Variants in RHOA observed in about 807,000 individuals in gnomAD.
RHOA encodes ras homolog family member A.
Under a neutral mutation model 17.5 loss-of-function variants are expected in RHOA, and 3 were observed. The observed-to-expected ratio is 0.17, with a 90% CI of 0.08 to 0.44. The LOEUF is 0.44. Ranked by LOEUF, RHOA falls within the 20% of genes least tolerant of loss-of-function variation. The probability of loss-of-function intolerance (pLI) is 0.99; values close to 1 mark genes in which losing one functional copy is unlikely to be tolerated. For synonymous variants in RHOA, 98 were observed against 88.4 expected, an observed-to-expected ratio of 1.11 and a Z score of -0.61; for missense variants, 56 against 242.3, an observed-to-expected ratio of 0.23 and a Z score of 5.10.
chr3:49,401,605 C>T lies in RHOA; in HGVS notation c.-3+10215G>A, dbSNP rs374502424. Among the ~76,000 whole-genome samples, 21 of 151,326 alleles carry T rather than the reference C, an allele frequency of 1.4e-4. No individual in the cohort carries two copies. In the East Asian group the frequency reaches 2.5e-3, roughly 18 times the overall value. ...GGGAAATGAAGTTGAAAACATAGAGCTGTTTATTTTGTTTACTGACTGCAT... is the reference window on the plus strand; with the variant it reads ...GGGAAATGAAGTTGAAAACATAGAGTTGTTTATTTTGTTTACTGACTGCAT... On this transcript the variant is annotated intron_variant, in intron 1 of 4. Coordinates refer to ENST00000418115, the MANE Select transcript of RHOA (RefSeq NM_001664.4).
At position 49,360,396 on chromosome 3, in the gene RHOA, A is replaced by C. The variant is rs376751436; in HGVS notation, c.409-14T>G. Reference sequence around the variant, plus strand: ...TTTCACCGGCTCCTAGCAAAGAAAAAAAAATAGTCCTTTTAGCTAATAGTG... The same window carrying C: ...TTTCACCGGCTCCTAGCAAAGAAAACAAAATAGTCCTTTTAGCTAATAGTG... On this transcript the variant is annotated splice_polypyrimidine_tract_variant and intron_variant, in intron 4 of 4. Transcript: ENST00000418115. The C allele has an allele frequency of 3.4e-5, 55 of 1,603,370 alleles. No individual in the cohort carries two copies. In the African/African-American group the frequency reaches 7.1e-4, roughly 21 times the overall value.
At chr3:49,400,623 A>C (rs1353593967) in intron 1 of RHOA, among the ~76,000 whole-genome samples, 1 of 152,014 alleles carries the variant, frequency 6.6e-6, no homozygotes, top group Non-Finnish European at 1.5e-5. Flanking sequence ...CAGGAGGCTG[A>C]GGTAGCTGGA....
At chr3:49,401,557 T>C (rs1038769653) in intron 1 of RHOA, among the ~76,000 whole-genome samples, 5 of 20,022 alleles carry the variant, frequency 2.5e-4, no homozygotes, top group African/African-American at 6.3e-4. Flanking sequence ...AAACTCTGTC[T>C]CAAAAAAAAA....
At chr3:49,368,367 G>A in intron 3 of RHOA, 61 bp downstream of exon 3, 1 of 1,581,350 alleles carries the variant, frequency 6.3e-7, no homozygotes, top group Non-Finnish European at 8.6e-7. Context: ...TTGATGCCCA[G>A]AAACCAGATG....
chr3:49,386,531 T>C (rs2048398131), intron 1 of RHOA, among the ~76,000 whole-genome samples: 2 of 152,180 alleles, frequency 1.3e-5, no homozygotes, highest in Admixed American at 6.6e-5. Flanking sequence ...AATTGGACAC[T>C]GAAGTAAATT....
intron 1 of RHOA, among the ~76,000 whole-genome samples, chr3:49,382,019 A>C (rs376218244): frequency 6.7e-6 from 1 of 150,166 alleles, no homozygotes; most frequent in East Asian, 2.0e-4. Flanking sequence ...ACCCTATCTC[A>C]TAAAAATAAA....
chr3:49,369,632 G>C (rs2048119316), intron 2 of RHOA, among the ~76,000 whole-genome samples: 2 of 152,064 alleles, frequency 1.3e-5, no homozygotes, highest in East Asian at 3.9e-4. Flanking sequence ...CTACTGGAGA[G>C]GCTAAGGCAG....
chr3:49,375,047 G>A (rs1458529797), intron 2 of RHOA, among the ~76,000 whole-genome samples: 1 of 151,898 alleles, frequency 6.6e-6, no homozygotes, highest in Non-Finnish European at 1.5e-5. Context: ...GAGGTGGGTG[G>A]ATCACCCGAG....
chr3:49,389,936 C>CAAA (rs577683876), intron 1 of RHOA, among the ~76,000 whole-genome samples: 1 of 76,542 alleles, frequency 1.3e-5, no homozygotes, highest in Non-Finnish European at 2.5e-5. Context: ...GACTCCACCT[C>CAAA]AAAAAAAAAA....
At chr3:49,397,767 G>A (rs1213620643) in intron 1 of RHOA, among the ~76,000 whole-genome samples, 1 of 152,112 alleles carries the variant, frequency 6.6e-6, no homozygotes, top group Non-Finnish European at 1.5e-5. Flanking sequence ...TGGAAGGGCT[G>A]ACCTTAGATA....
intron 2 of RHOA, 63 bp downstream of exon 2, chr3:49,375,371 T>G: frequency 6.6e-7 from 1 of 1,507,582 alleles, no homozygotes; most frequent in Non-Finnish European, 9.0e-7. Flanking sequence ...TCTAATTCTC[T>G]ACATGCTCCA....
intron 1 of RHOA, among the ~76,000 whole-genome samples, chr3:49,391,009 G>T (rs1024193302): frequency 2.0e-5 from 3 of 151,622 alleles, no homozygotes; most frequent in African/African-American, 7.3e-5. Flanking sequence ...ACGAGGTCAG[G>T]AGATCGAGAC....
At chr3:49,411,426 C>T (rs2048933238) in intron 1 of RHOA, among the ~76,000 whole-genome samples, 1 of 152,234 alleles carries the variant, frequency 6.6e-6, no homozygotes, top group Non-Finnish European at 1.5e-5. Context: ...CCCATTTCAA[C>T]TCCGACAGCC....
chr3:49,396,477 G>A (rs1210135513), intron 1 of RHOA, among the ~76,000 whole-genome samples: 1 of 151,968 alleles, frequency 6.6e-6, no homozygotes, highest in Non-Finnish European at 1.5e-5. Flanking sequence ...TGGAAGCCAA[G>A]GTGGGCGGAT....
chr3:49,368,060 C>A (rs2048087905), intron 3 of RHOA, among the ~76,000 whole-genome samples: 1 of 151,968 alleles, frequency 6.6e-6, no homozygotes, highest in South Asian at 2.1e-4. Context: ...CAGGCGTGCA[C>A]CACCATGCCT....
At chr3:49,393,656 C>A in intron 1 of RHOA, among the ~76,000 whole-genome samples, 1 of 4,440 alleles carries the variant, frequency 2.3e-4, no homozygotes, top group Non-Finnish European at 7.1e-3. Flanking sequence ...ACCACAGGTC[C>A]CTTGTCTCAA....
At chr3:49,360,476 TC>T in intron 4 of RHOA, 94 bp from the exon 5 acceptor site, 1 of 1,390,870 alleles carries the variant, frequency 7.2e-7, no homozygotes, top group Non-Finnish European at 9.6e-7. Context: ...GATTTTTTTT[TC>T]TTTTTTTGAG....
chr3:49,409,502 G>A (rs2048896992), intron 1 of RHOA, among the ~76,000 whole-genome samples: 1 of 152,068 alleles, frequency 6.6e-6, no homozygotes, highest in Non-Finnish European at 1.5e-5. Context: ...TTAAACCCAA[G>A]GTGCTGTCTA....
intron 4 of RHOA, among the ~76,000 whole-genome samples, chr3:49,362,065 T>C (rs189553905): frequency 2.4e-4 from 36 of 151,088 alleles, no homozygotes; most frequent in African/African-American, 7.8e-4. Flanking sequence ...AGGGTGCCTG[T>C]AGTCCCAGCT....
Sources: allele counts gnomAD v4.1 joint callset (sites outside exome capture counted in the v4.1 genomes callset), GRCh38; gene constraint gnomAD v4.1.1; transcripts MANE v1.5; gene names NCBI Gene and HGNC (gene_info 2026-07-23, HGNC 2026-07-21).